Variants in FAM167A observed in about 807,000 individuals in gnomAD.
The protein encoded by FAM167A is family with sequence similarity 167 member A, also known as protein FAM167A.
Under a neutral mutation model 14.9 loss-of-function variants are expected in FAM167A, and 23 were observed. The ratio of observed to expected loss-of-function variants is 1.55; its 90% CI spans 1.11 to 2.19. FAM167A has a LOEUF of 2.19. Ranked by LOEUF, FAM167A falls within the 30% of genes most tolerant of loss-of-function variation. The pLI is 0.00. For missense variants in FAM167A, 401 were observed against 281.5 expected, an observed-to-expected ratio of 1.42 and a Z score of -3.04; for synonymous variants, 174 against 117.7, an observed-to-expected ratio of 1.48 and a Z score of -3.10.
intron 1 of FAM167A, among the ~76,000 whole-genome samples, chr8:11,449,772 C>T (rs1806950057): frequency 6.6e-6 from 1 of 152,218 alleles, no homozygotes; most frequent in African/African-American, 2.4e-5. Flanking sequence ...CCAACAAGCT[C>T]CCTGGCTCCC....
In FAM167A at chr8:11,429,244, G is replaced by GC. The variant is rs1805402834; in HGVS notation, c.382-4609dup. Among the ~76,000 whole-genome samples, 4 of 152,300 alleles carry GC rather than the reference G, an allele frequency of 2.6e-5. No individual in the cohort carries two copies. In the South Asian group the frequency reaches 8.3e-4, roughly 32 times the overall value. On this transcript the variant is annotated intron_variant, in intron 2 of 2. Coordinates refer to ENST00000284486, the MANE Select transcript of FAM167A (RefSeq NM_053279.3). Reference sequence around the variant, plus strand: ...CTTTGTGAGTGGCTAATTTCACTTAGCATAATGTCCTCTGGTTTCTGATGG... The same window carrying GC: ...CTTTGTGAGTGGCTAATTTCACTTAGCCATAATGTCCTCTGGTTTCTGATGG...
intron 2 of FAM167A, among the ~76,000 whole-genome samples, chr8:11,433,060 G>A (rs1356273698): frequency 6.6e-6 from 1 of 152,146 alleles, no homozygotes; most frequent in Non-Finnish European, 1.5e-5. Context: ...ACCCGGGCCT[G>A]TTGGGGGGTA....
intron 1 of FAM167A, chr8:11,445,546 C>G (rs752543420): frequency 2.0e-4 from 194 of 985,432 alleles, no homozygotes; most frequent in Middle Eastern, 1.0e-3. Context: ...TTCTCGTGTT[C>G]ACCTAAGTGC....
At chr8:11,441,129 G>C (rs962324260) in intron 2 of FAM167A, among the ~76,000 whole-genome samples, 2 of 152,206 alleles carry the variant, frequency 1.3e-5, no homozygotes, top group African/African-American at 4.8e-5. Flanking sequence ...TCTTCTGAAT[G>C]AGTGTGGTTC....
intron 1 of FAM167A, among the ~76,000 whole-genome samples, chr8:11,447,972 G>A (rs1181959860): frequency 6.6e-6 from 1 of 152,104 alleles, no homozygotes; most frequent in Non-Finnish European, 1.5e-5. Flanking sequence ...GAGGCGGGTG[G>A]ATCACGAGGT....
intron 2 of FAM167A, among the ~76,000 whole-genome samples, chr8:11,442,367 G>C (rs2117076528): frequency 6.6e-6 from 1 of 152,220 alleles, no homozygotes; most frequent in African/African-American, 2.4e-5. Flanking sequence ...CGTAGGCTTT[G>C]GGAATCCTAA....
rs1804921471 is a variant in FAM167A, at chr8:11,423,647, GA to G, written c.*725del. The G allele has an allele frequency of 6.6e-6, 1 of 152,324 alleles. No homozygotes were observed. Among genetic ancestry groups the G allele is most frequent in the South Asian group, 2.1e-4 (1 of 4,828 alleles). The allele number at this position is 152,324 out of a possible 1,614,324, so 9.4% of individuals were successfully genotyped here. ...TGGGTGGCAGTGAAGAGGCTCTTTG[GA>G]GATGCATGTGGCCAGGGGAGACAAT... On this transcript the variant is annotated 3_prime_UTR_variant, in exon 3 of 3. Transcript: ENST00000284486.
chr8:11,443,219 C>T (rs555092050), intron 2 of FAM167A, among the ~76,000 whole-genome samples: 1 of 152,302 alleles, frequency 6.6e-6, no homozygotes, highest in African/African-American at 2.4e-5. Flanking sequence ...GGGTGATTCT[C>T]CCCTGGGGGG....
At chr8:11,432,415 A>G (rs1805669676) in intron 2 of FAM167A, among the ~76,000 whole-genome samples, 1 of 152,270 alleles carries the variant, frequency 6.6e-6, no homozygotes, top group Non-Finnish European at 1.5e-5. Context: ...AAAGGATATG[A>G]ACAGACACTT....
rs867457138 is a variant in FAM167A at position 11,423,483 on chromosome 8, G to A, written c.*890C>T. The A allele has an allele frequency of 2.0e-5, 3 of 152,604 alleles. No homozygotes were observed. Among genetic ancestry groups the A allele is most frequent in the African/African-American group, 7.2e-5 (3 of 41,452 alleles). The allele number at this position is 152,604 out of a possible 1,614,324, so 9.5% of individuals were successfully genotyped here. On this transcript the variant is annotated 3_prime_UTR_variant, in exon 3 of 3. Transcript: ENST00000284486. Reference sequence around the variant, plus strand: ...GGGCTCCCTAGATTGTCTTTCCAGAGAGGGCAGTAAGGTGACACCACCAGA... The same window carrying A: ...GGGCTCCCTAGATTGTCTTTCCAGAAAGGGCAGTAAGGTGACACCACCAGA...
chr8:11,455,545 C>G (rs192090825), intron 1 of FAM167A, among the ~76,000 whole-genome samples: 521 of 31,506 alleles, frequency 0.017, no homozygotes, highest in Middle Eastern at 0.023. Flanking sequence ...GTGTGTGAGT[C>G]TGAGTGTGGG....
At chr8:11,455,344 GTA>G (rs1807197729) in intron 1 of FAM167A, among the ~76,000 whole-genome samples, 1 of 147,054 alleles carries the variant, frequency 6.8e-6, no homozygotes, top group African/African-American at 2.5e-5. Flanking sequence ...GCCTTGCTGT[GTA>G]TGAGTGTGAG....
At chr8:11,465,056 G>A (rs1181211184) in intron 1 of FAM167A, among the ~76,000 whole-genome samples, 2 of 152,174 alleles carry the variant, frequency 1.3e-5, no homozygotes, top group African/African-American at 2.4e-5. Flanking sequence ...AGAACAGGGT[G>A]TGGGGGAGCA....
chr8:11,470,853 G>A (rs1316969987), upstream of FAM167A, among the ~76,000 whole-genome samples: 2 of 152,014 alleles, frequency 1.3e-5, no homozygotes, highest in Non-Finnish European at 2.9e-5. Context: ...AAGAAGAAGC[G>A]GGAAGTGACT....
chr8:11,443,962 G>C (rs996231118), intron 2 of FAM167A, 69 bp downstream of exon 2: 23 of 1,528,732 alleles, frequency 1.5e-5, no homozygotes, highest in Non-Finnish European at 1.9e-5. Flanking sequence ...GACAGAGAGA[G>C]ACAGAAAAAG....
At chr8:11,467,568 C>T (rs1807822559), upstream of FAM167A, 1 of 152,374 alleles carries the variant, frequency 6.6e-6, no homozygotes. Context: ...AAGCGTCTTT[C>T]AAAGGGCTCC....
rs1013027772 is a variant in FAM167A, at chr8:11,422,791, G to C, written c.*1582C>G. ...ACACAGGAAGAAGTCACAGTAGACA[G>C]AGCAGCCAGATGCCGTGCGTAGACC... On this transcript the variant is annotated 3_prime_UTR_variant, in exon 3 of 3. Transcript: ENST00000284486. 6.6e-6 allele frequency: 1 copy of C among 152,460 alleles called. No individual in the cohort carries two copies. The highest frequency in any genetic ancestry group is 1.9e-4 in the East Asian group (1 of 5,200). 9.4% of individuals were successfully genotyped at this position (152,460 alleles called of 1,614,324 possible).
At chr8:11,437,331 T>C (rs141932819) in intron 2 of FAM167A, among the ~76,000 whole-genome samples, 2 of 152,336 alleles carry the variant, frequency 1.3e-5, no homozygotes, top group African/African-American at 4.8e-5. Context: ...GAGGCGTGTG[T>C]ATAAACATGC....
At chr8:11,463,640 C>G (rs996968287) in intron 1 of FAM167A, among the ~76,000 whole-genome samples, 22 of 152,178 alleles carry the variant, frequency 1.4e-4, no homozygotes, top group African/African-American at 5.1e-4. Flanking sequence ...TAGGGATGCC[C>G]AAGGGACAAG....
Sources: gnomAD v4.1 joint callset for allele counts (sites outside exome capture counted in the v4.1 genomes callset) on GRCh38, gnomAD v4.1.1 for gene constraint, MANE v1.5 for transcripts, NCBI Gene and HGNC (gene_info 2026-07-23, HGNC 2026-07-21) for gene names.